Variants in KBTBD11 observed in about 807,000 individuals in gnomAD.
The protein encoded by KBTBD11 is kelch repeat and BTB domain containing 11.
For missense variants in KBTBD11, 1,390 were observed against 1,001.8 expected, an observed-to-expected ratio of 1.39 and a Z score of -5.23; for synonymous variants, 747 against 499.0, an observed-to-expected ratio of 1.50 and a Z score of -6.63.
At chr8:1,987,000 A>G (rs560433021) in intron 1 of KBTBD11, among the ~76,000 whole-genome samples, 1 of 112,936 alleles carries the variant, frequency 8.9e-6, no homozygotes, top group Non-Finnish European at 1.7e-5. Flanking sequence ...GTGAGACCCT[A>G]TCTCTCCAAA....
chr8:2,004,543 G>C lies in KBTBD11; in HGVS notation c.*1479G>C, dbSNP rs1817513936. On this transcript the variant is annotated 3_prime_UTR_variant, in exon 2 of 2. Transcript: ENST00000320248. ...GAAATCAGTGGGTAATTGAAAAATAGGTTATGCTTTTTAAAGAGTCTGTGG... is the reference window on the plus strand; with the variant it reads ...GAAATCAGTGGGTAATTGAAAAATACGTTATGCTTTTTAAAGAGTCTGTGG... The C allele has an allele frequency of 6.0e-6, 1 of 167,084 alleles. No homozygotes were observed. 10.4% of individuals were successfully genotyped at this position (167,084 alleles called of 1,614,324 possible).
intron 1 of KBTBD11, among the ~76,000 whole-genome samples, chr8:1,989,351 T>C (rs1816823372): frequency 6.6e-6 from 1 of 152,216 alleles, no homozygotes; most frequent in African/African-American, 2.4e-5. Context: ...TACTTCCAGA[T>C]CTGTGATTCC....
At chr8:1,990,422 G>A (rs1363312313) in intron 1 of KBTBD11, among the ~76,000 whole-genome samples, 2 of 136,040 alleles carry the variant, frequency 1.5e-5, no homozygotes, top group African/African-American at 5.5e-5. Context: ...GGGCCTTGGC[G>A]CCCTGTCCGG....
chr8:1,974,252 C>T (rs1275686989), intron 1 of KBTBD11: 3 of 969,404 alleles, frequency 3.1e-6, no homozygotes, highest in African/African-American at 1.8e-5. Context: ...GGCCTCCTCG[C>T]GGGGTCTCCA....
At chr8:1,984,825 A>G (rs532102849) in intron 1 of KBTBD11, among the ~76,000 whole-genome samples, 1 of 152,282 alleles carries the variant, frequency 6.6e-6, no homozygotes, top group African/African-American at 2.4e-5. Flanking sequence ...ATCATTGGAA[A>G]TGAAACCCCA....
chr8:1,995,485 C>G (rs191651008), intron 1 of KBTBD11, among the ~76,000 whole-genome samples: 4 of 152,038 alleles, frequency 2.6e-5, no homozygotes, highest in Non-Finnish European at 5.9e-5. Flanking sequence ...TTTCATGGTC[C>G]CTTTACACTA....
chr8:1,993,470 T>C (rs9720543), intron 1 of KBTBD11, among the ~76,000 whole-genome samples: 7 of 141,214 alleles, frequency 5.0e-5, no homozygotes, highest in Admixed American at 4.2e-4. Context: ...CCCATCTGTC[T>C]ATCCATCCAT....
chr8:1,974,642 G>A, intron 1 of KBTBD11: 1 of 985,354 alleles, frequency 1.0e-6, no homozygotes, highest in Non-Finnish European at 1.2e-6. Flanking sequence ...AGTCCTGCCG[G>A]GCGCCCCTTG....
chr8:2,001,373 G>T lies in KBTBD11; in HGVS notation c.181G>T (p.Ala61Ser). ...GTCCCTCGCCTCAGCGGCGGAAGGCGCGGCCACCTCCCCGCCCTCCAGCGG... is the reference window on the plus strand; with the variant it reads ...GTCCCTCGCCTCAGCGGCGGAAGGCTCGGCCACCTCCCCGCCCTCCAGCGG... The part of the protein sequence containing the change: ...PQSLASAAEG[A>S]ATSPPSSGGP... The change falls in exon 2 of 2, where the codon GCG (alanine) becomes TCG (serine). Residue 61 changes from alanine to serine, a missense_variant. Physicochemically the swap from Ala to Ser is moderately conservative, Grantham distance 99. Transcript: ENST00000320248. The T allele has an allele frequency of 6.8e-7, 1 of 1,470,818 alleles. No individual in the cohort carries two copies. Among genetic ancestry groups the T allele is most frequent in the Non-Finnish European group, 9.0e-7 (1 of 1,115,136 alleles). 91.1% of individuals were successfully genotyped at this position (1,470,818 alleles called of 1,614,324 possible). A position where few individuals can be genotyped will look rare whatever the true frequency, so the allele number is the denominator to read the frequency against.
chr8:1,973,788 G>A lies in KBTBD11; in HGVS notation c.-1056G>A, dbSNP rs1447135783. Reference sequence around the variant, plus strand: ...CTCTGCCGCCCACGCCCCGCTGCGGGTCGGAGGAGCAGCTCCCGCTCGCAG... The same window carrying A: ...CTCTGCCGCCCACGCCCCGCTGCGGATCGGAGGAGCAGCTCCCGCTCGCAG... On this transcript the variant is annotated 5_prime_UTR_variant, in exon 1 of 2. Transcript: ENST00000320248. 9 of 983,676 alleles carry A rather than the reference G, an allele frequency of 9.1e-6. No individual in the cohort carries two copies. Among genetic ancestry groups the A allele is most frequent in the African/African-American group, 1.8e-5 (1 of 57,048 alleles). The allele number at this position is 983,676 out of a possible 1,614,324, so 60.9% of individuals were successfully genotyped here. A position where few individuals can be genotyped will look rare whatever the true frequency, so the allele number is the denominator to read the frequency against.
Position 2,002,445 on chromosome 8 carries a change from G to A in KBTBD11, c.1253G>A (p.Gly418Asp). 1 of 1,505,748 alleles carries A rather than the reference G, an allele frequency of 6.6e-7. No homozygotes were observed. The highest frequency in any genetic ancestry group is 8.8e-7 in the Non-Finnish European group (1 of 1,134,736). The allele number at this position is 1,505,748 out of a possible 1,614,324, so 93.3% of individuals were successfully genotyped here. The change falls in exon 2 of 2, where the codon GGC becomes GAC. Residue 418 changes from glycine to aspartate, a missense_variant. Transcript: ENST00000320248. The surrounding 1 kb of genome is among the most constrained non-coding windows in gnomAD (Gnocchi z 4.1). Reference protein sequence around the residue: ...LALDGHLYAVGGECLLSVERY... With the variant: ...LALDGHLYAVDGECLLSVERY... ...CTGGACGGTCACCTCTACGCCGTGG[G>A]CGGCGAGTGCCTGCTCAGCGTGGAG...
At chr8:1,989,402 G>A (rs1034991050) in intron 1 of KBTBD11, among the ~76,000 whole-genome samples, 18 of 152,144 alleles carry the variant, frequency 1.2e-4, no homozygotes, top group Non-Finnish European at 2.2e-4. Context: ...GAGGACAGGC[G>A]CCAGCGGCTC....
At chr8:1,985,947 C>T (rs994735977) in intron 1 of KBTBD11, among the ~76,000 whole-genome samples, 1 of 152,228 alleles carries the variant, frequency 6.6e-6, no homozygotes. Flanking sequence ...GGTTTTGCAT[C>T]CACACTCCCG....
intron 1 of KBTBD11, among the ~76,000 whole-genome samples, chr8:1,995,786 A>G (rs374291300): frequency 1.0e-3 from 158 of 152,308 alleles, no homozygotes; most frequent in African/African-American, 3.7e-3. Flanking sequence ...CAAATTTAGG[A>G]GGCCGAGGCA....
intron 1 of KBTBD11, among the ~76,000 whole-genome samples, chr8:1,987,804 A>G (rs184609992): frequency 1.2e-3 from 178 of 152,000 alleles, no homozygotes; most frequent in African/African-American, 3.7e-3. Flanking sequence ...ACATATATAT[A>G]CATGTGCCAT....
rs888407786 is a variant in KBTBD11, at chr8:2,006,929, T to C, written c.*3865T>C. On this transcript the variant is annotated 3_prime_UTR_variant, in exon 2 of 2. Transcript: ENST00000320248. ...GAGATGAAATAAATCACGCAGAAAGTGCCAGTCCTCCTGATGTGCCCCGAG... is the reference window on the plus strand; with the variant it reads ...GAGATGAAATAAATCACGCAGAAAGCGCCAGTCCTCCTGATGTGCCCCGAG... 1.2e-5 allele frequency: 2 copies of C among 165,318 alleles called. No homozygotes were observed. Among genetic ancestry groups the C allele is most frequent in the African/African-American group, 4.8e-5 (2 of 41,464 alleles). The allele number at this position is 165,318 out of a possible 1,614,324, so 10.2% of individuals were successfully genotyped here.
chr8:1,974,001 C>T lies in KBTBD11; in HGVS notation c.-909+66C>T, dbSNP rs1816217126. ...GCGGAGCGGGAAGCAGCCCGAGGCG[C>T]GGGTCGGAGGGGGCGGCGGGTGGGA... On this transcript the variant is annotated intron_variant, in intron 1 of 1. Transcript: ENST00000320248. The T allele has an allele frequency of 2.8e-5, 10 of 362,692 alleles. No individual in the cohort carries two copies. The South Asian group carries it at 1.1e-3, about 40-fold the overall frequency. 22.5% of individuals were successfully genotyped at this position (362,692 alleles called of 1,614,324 possible). A position where few individuals can be genotyped will look rare whatever the true frequency, so the allele number is the denominator to read the frequency against.
At chr8:1,979,261 G>A (rs549147708) in intron 1 of KBTBD11, among the ~76,000 whole-genome samples, 17 of 152,266 alleles carry the variant, frequency 1.1e-4, no homozygotes, top group African/African-American at 3.1e-4. Flanking sequence ...CTGATTGGAC[G>A]AGGCCCACCC....
At chr8:1,987,776 A>C (rs1816753634) in intron 1 of KBTBD11, among the ~76,000 whole-genome samples, 1 of 151,832 alleles carries the variant, frequency 6.6e-6, no homozygotes, top group Non-Finnish European at 1.5e-5. Context: ...GTACATGTGC[A>C]CAACTTGCAG....
Sources: gnomAD v4.1 joint callset for allele counts (sites outside exome capture counted in the v4.1 genomes callset) on GRCh38, gnomAD v4.1.1 for gene constraint, Gnocchi (gnomAD v3.1) non-coding constraint, MANE v1.5 for transcripts, NCBI Gene and HGNC (gene_info 2026-07-23, HGNC 2026-07-21) for gene names.